GKN2: variants seen among roughly 807,000 people sequenced by gnomAD.
The protein encoded by GKN2 is gastrokine-2.
A neutral mutation model predicts 22.7 loss-of-function variants in GKN2; 17 were observed. That is an observed-to-expected ratio of 0.75 (90% confidence interval 0.51 to 1.13). The LOEUF is 1.13. Among genes scored for constraint, GKN2 ranks in the 50% most tolerant of loss-of-function variants. GKN2 has a pLI of 0.00. For missense variants in GKN2, 248 were observed against 221.4 expected (o/e 1.12, Z -0.76); for synonymous variants, 82 against 79.6 (o/e 1.03, Z -0.16).
intron 5 of GKN2, 105 bp from the exon 6 acceptor site, chr2:68,945,555 G>A: frequency 1.2e-6 from 1 of 831,024 alleles, no homozygotes; most frequent in Non-Finnish European, 1.9e-6. Context: ...ACTTTTGGAA[G>A]TGCTGGTTGG....
chr2:68,947,374 G>T, intron 3 of GKN2, 117 bp from the exon 4 acceptor site: 2 of 654,092 alleles, frequency 3.1e-6, no homozygotes, highest in South Asian at 1.9e-5. Context: ...ATATATGGTG[G>T]GATTGCTCTC....
intron 3 of GKN2, among the ~76,000 whole-genome samples, chr2:68,948,256 CAA>C (rs1553423225): frequency 9.9e-5 from 14 of 141,548 alleles, no homozygotes; most frequent in African/African-American, 3.4e-4. Context: ...AAAAAAAAAA[CAA>C]AAAAAAAAAA....
rs1203744234 is a variant in GKN2 at position 68,950,083 on chromosome 2, G to C, written c.204+43C>G. ...TATATATAGATCCCTCTGCTCTTTA[G>C]CAAACTAGTCCTGATGAATATGAAA... On this transcript the variant is annotated intron_variant, in intron 3 of 5. Transcript: ENST00000328895. 3 of 1,582,898 alleles carry C rather than the reference G, an allele frequency of 1.9e-6. No individual in the cohort carries two copies. In the South Asian group the frequency reaches 3.4e-5, roughly 18 times the overall value.
At chr2:68,946,802 G>A (rs1270767017) in intron 4 of GKN2, among the ~76,000 whole-genome samples, 2 of 151,972 alleles carry the variant, frequency 1.3e-5, no homozygotes, top group Non-Finnish European at 2.9e-5. Context: ...TTGCATCTTT[G>A]GGTCATTGAA....
chr2:68,949,283 T>C (rs4516463), intron 3 of GKN2, among the ~76,000 whole-genome samples: 139,405 of 152,280 alleles, frequency 0.92, 64,050 homozygotes, highest in African/African-American at 0.97. Flanking sequence ...AGTTAGCAGA[T>C]TTTCTTTCTT....
intron 1 of GKN2, among the ~76,000 whole-genome samples, chr2:68,951,593 G>A (rs1573729844): frequency 6.6e-6 from 1 of 152,210 alleles, no homozygotes; most frequent in Non-Finnish European, 1.5e-5. Context: ...AGAACTGTCA[G>A]TGGGACTTTC....
intron 3 of GKN2, among the ~76,000 whole-genome samples, chr2:68,948,304 C>A (rs1419059116): frequency 2.0e-5 from 3 of 151,330 alleles, no homozygotes; most frequent in Non-Finnish European, 4.4e-5. Flanking sequence ...TAGCTATATG[C>A]CACTATCTAA....
At chr2:68,946,804 GT>G (rs1267089978) in intron 4 of GKN2, among the ~76,000 whole-genome samples, 31 of 152,166 alleles carry the variant, frequency 2.0e-4, no homozygotes, top group Admixed American at 1.6e-3. Flanking sequence ...GCATCTTTGG[GT>G]CATTGAATAT....
At chr2:68,945,479 G>A (rs1669751712) in intron 5 of GKN2, 29 bp from the exon 6 acceptor site, 3 of 1,480,350 alleles carry the variant, frequency 2.0e-6, no homozygotes, top group African/African-American at 1.4e-5. Context: ...TTCAGAGAAA[G>A]AGCATTAAAA....
At chr2:68,945,779 A>G (rs10048698) in intron 5 of GKN2, 16,675 of 237,358 alleles carry the variant, frequency 0.07, 2,736 homozygotes, top group African/African-American at 0.34. Flanking sequence ...GCTCTGCCAC[A>G]TTTAGAAACT....
chr2:68,949,479 G>A (rs1000528390), intron 3 of GKN2, among the ~76,000 whole-genome samples: 3 of 151,986 alleles, frequency 2.0e-5, no homozygotes, highest in Non-Finnish European at 4.4e-5. Context: ...GAGTGCAGTG[G>A]TGCAGTCTCA....
intron 3 of GKN2, among the ~76,000 whole-genome samples, chr2:68,949,529 C>T (rs999453565): frequency 3.9e-5 from 6 of 152,096 alleles, no homozygotes; most frequent in African/African-American, 1.4e-4. Flanking sequence ...CAGCAATCCT[C>T]CCACCTCAGC....
At position 68,950,187 on chromosome 2, in the gene GKN2, G is replaced by T; in HGVS notation, c.143C>A (p.Thr48Asn). The change falls in exon 3 of 6, where the codon ACC (threonine) becomes AAC (asparagine). Residue 48 changes from threonine (T) to asparagine (N), a missense_variant. Transcript: ENST00000328895. ...TCCTGCATGGATGTTAATGATGGCG[G>T]TATTTTTTTCATTATCAATTGTCAC... ...ETVTIDNEKN[T>N]AIINIHAGSC... The T allele has an allele frequency of 1.2e-6, 2 of 1,613,756 alleles. No individual in the cohort carries two copies. Among genetic ancestry groups the T allele is most frequent in the South Asian group, 1.1e-5 (1 of 91,066 alleles).
Position 68,947,195 on chromosome 2 carries a change from CT to C in GKN2, c.266del (p.Gln89ArgfsTer6). ...GGAGATTGTTCAGAGGAGGGATGTT[CT>C]GATGGTCCATCTTCAGGATAAAGCA... ...RACFILKMDH[Q>X]NIPPLNNLQW... is the part of the protein sequence containing the mutation. On this transcript the variant is annotated frameshift_variant, in exon 4 of 6. Coordinates refer to ENST00000328895, the MANE Select transcript of GKN2 (RefSeq NM_182536.3). LOFTEE classifies it high-confidence loss of function. The C allele has an allele frequency of 6.2e-7, 1 of 1,613,942 alleles. No individual in the cohort carries two copies. Among genetic ancestry groups the C allele is most frequent in the Non-Finnish European group, 8.5e-7 (1 of 1,179,872 alleles).
In GKN2 at chr2:68,950,229, C is replaced by T. The variant is rs756212518; in HGVS notation, c.101G>A (p.Gly34Asp). ...FNIISPSNNG[G>D]NVQETVTIDN... ...AATTGTCACTGTCTCCTGAACATTG[C>T]CACCATTGTTGCTTGGGCTGATGAT... The change falls in exon 3 of 6, where the codon GGC becomes GAC. Residue 34 changes from glycine (G) to aspartate (D), a missense_variant. Physicochemically the swap from Gly to Asp is moderately conservative, Grantham distance 94. Coordinates refer to ENST00000328895, the MANE Select transcript of GKN2 (RefSeq NM_182536.3). The T allele has an allele frequency of 1.5e-5, 24 of 1,613,000 alleles. No homozygotes were observed. In the Admixed American group the frequency reaches 2.8e-4, roughly 19 times the overall value.
chr2:68,951,251 G>T (rs1669850454), intron 1 of GKN2, among the ~76,000 whole-genome samples: 1 of 152,128 alleles, frequency 6.6e-6, no homozygotes, highest in Non-Finnish European at 1.5e-5. Flanking sequence ...GACCTGACAG[G>T]TTCCTAAGGG....
rs1466513128 is a variant in GKN2, at chr2:68,947,147, C to T, written c.315G>A (p.Gln105=). 6.3e-7 allele frequency: 1 copy of T among 1,584,336 alleles called. No homozygotes were observed. Among genetic ancestry groups the T allele is most frequent in the South Asian group, 1.1e-5 (1 of 90,516 alleles). ...NNLQWYIYEK[Q]ALDNMFSSKY... Reference sequence around the variant, plus strand: ...ATACTCAAGAGTGCCCCAGAATTACCTGTTTCTCATAGATGTACCATTGGA... The same window carrying T: ...ATACTCAAGAGTGCCCCAGAATTACTTGTTTCTCATAGATGTACCATTGGA... Residue 105 remains glutamine, a splice_region_variant and synonymous_variant, in exon 4 of 6, where the codon CAG becomes CAA. Coordinates refer to ENST00000328895, the MANE Select transcript of GKN2 (RefSeq NM_182536.3).
intron 3 of GKN2, 80 bp downstream of exon 3, chr2:68,950,046 A>G: frequency 8.9e-7 from 1 of 1,123,980 alleles, no homozygotes; most frequent in Non-Finnish European, 1.2e-6. Flanking sequence ...ATTCAAGTAT[A>G]TATGCCCCAT....
chr2:68,951,023 A>G (rs1669846370), intron 1 of GKN2, among the ~76,000 whole-genome samples: 1 of 152,176 alleles, frequency 6.6e-6, no homozygotes, highest in African/African-American at 2.4e-5. Context: ...TTCTAGCATT[A>G]TAACCATGTA....
Sources: allele counts gnomAD v4.1 joint callset (sites outside exome capture counted in the v4.1 genomes callset), GRCh38; gene constraint gnomAD v4.1.1; transcripts MANE v1.5; gene names NCBI Gene and HGNC (gene_info 2026-07-23, HGNC 2026-07-21).